MOGAT3: variants seen among roughly 807,000 people sequenced by gnomAD.
MOGAT3 encodes the protein 2-acylglycerol O-acyltransferase 3.
In MOGAT3, 39 loss-of-function variants were observed where a neutral mutation model predicts 34.4. That is an observed-to-expected ratio of 1.13 (90% confidence interval 0.88 to 1.48). The LOEUF (loss-of-function observed/expected upper bound fraction) is 1.48, where lower values mean the gene tolerates loss of function less well. MOGAT3 is among the 40% of genes most tolerant of loss of function. MOGAT3 has a pLI of 0.00. For synonymous variants in MOGAT3, 209 were observed against 179.2 expected (o/e 1.17, Z -1.33); for missense variants, 439 against 438.9 (o/e 1.00, Z 0.00).
chr7:101,194,855 G>A (rs565908915), downstream of MOGAT3, among the ~76,000 whole-genome samples: 4 of 151,996 alleles, frequency 2.6e-5, no homozygotes, highest in Non-Finnish European at 5.9e-5. Context: ...CCATTTCCCC[G>A]TCCTGTTAAG....
chr7:101,198,364 T>A lies in MOGAT3; in HGVS notation c.495A>T (p.Gly165=). 1 of 1,538,948 alleles carries A rather than the reference T, an allele frequency of 6.5e-7. No individual in the cohort carries two copies. The highest frequency in any genetic ancestry group is 8.8e-7 in the Non-Finnish European group (1 of 1,141,592). The change falls in exon 5 of 7, where the codon GGA becomes GGT. Residue 165 remains glycine, a splice_region_variant and synonymous_variant. Transcript: ENST00000223114. ...GGCTCTGGCGGCTCACCGGACAGAGTCCTGTGGGCAGGAGGAGGTGGAAAG... is the reference window on the plus strand; with the variant it reads ...GGCTCTGGCGGCTCACCGGACAGAGACCTGTGGGCAGGAGGAGGTGGAAAG... ...PVYRDYIMSF[G]LCPVSRQSLD... is the part of the protein sequence containing the mutation.
downstream of MOGAT3, among the ~76,000 whole-genome samples, chr7:101,194,767 C>T (rs746684764): frequency 9.2e-5 from 14 of 152,170 alleles, no homozygotes; most frequent in Admixed American, 2.6e-4. Context: ...TCCCAAAGTG[C>T]TGGGATTACA....
At chr7:101,198,585 TC>T (rs1797864243) in intron 4 of MOGAT3, 40 bp downstream of exon 4, 26 of 1,579,216 alleles carry the variant, frequency 1.6e-5, no homozygotes, top group African/African-American at 1.6e-4. Flanking sequence ...GAACATCTGG[TC>T]AGGAGTCTCC....
intron 3 of MOGAT3, 43 bp downstream of exon 3, chr7:101,200,191 G>A: frequency 6.5e-7 from 1 of 1,535,638 alleles, no homozygotes; most frequent in South Asian, 1.1e-5. Context: ...GGAGGGAGAT[G>A]GGGAGAGGTA....
chr7:101,198,782 C>T lies in MOGAT3; in HGVS notation c.337G>A (p.Ala113Thr), dbSNP rs760445652. 2 of 1,613,934 alleles carry T rather than the reference C, an allele frequency of 1.2e-6. No individual in the cohort carries two copies. Among genetic ancestry groups the T allele is most frequent in the East Asian group, 4.5e-5 (2 of 44,860 alleles). Residue 113 changes from alanine (A) to threonine (T), a missense_variant, in exon 4 of 7, where the codon GCC becomes ACC. Transcript: ENST00000223114. ...LPPDRNYVLG[A>T]HPHGIMCTGF... ...GTACACATGATCCCATGAGGGTGGG[C>T]GCCCAGCACGTAGTTCCGATCCGGG...
At chr7:101,196,637 G>A (rs564248573) in intron 5 of MOGAT3, among the ~76,000 whole-genome samples, 26 of 152,292 alleles carry the variant, frequency 1.7e-4, no homozygotes, top group Admixed American at 5.2e-4. Flanking sequence ...GGGAGGCCAC[G>A]GTGGGAGGAT....
At chr7:101,194,172 TTTTTTTTCA>T (rs911611735), downstream of MOGAT3, among the ~76,000 whole-genome samples, 7 of 151,980 alleles carry the variant, frequency 4.6e-5, no homozygotes, top group East Asian at 7.7e-4. Context: ...TTCTAGAATT[TTTTTTTTCA>T]TTTTTTTCAT....
Position 101,200,500 on chromosome 7 carries a change from AG to A in MOGAT3, c.124del (p.Leu42PhefsTer39). 1 of 1,596,294 alleles carries A rather than the reference AG, an allele frequency of 6.3e-7. No homozygotes were observed. The highest frequency in any genetic ancestry group is 8.5e-7 in the Non-Finnish European group (1 of 1,170,870). On this transcript the variant is annotated frameshift_variant, in exon 2 of 7. Coordinates refer to ENST00000223114, the MANE Select transcript of MOGAT3 (RefSeq NM_178176.4). LOFTEE classifies it high-confidence loss of function. ...TFLFMGPFFS[L>X]LVFVLLFTSL... is the part of the protein sequence containing the mutation. ...CGTGAAGAGGAGGACAAAGACAAGAAGGGAGAAGAAAGGGCCTGGGGGAAGG... is the reference window on the plus strand; with the variant it reads ...CGTGAAGAGGAGGACAAAGACAAGAAGGAGAAGAAAGGGCCTGGGGGAAGG...
intron 4 of MOGAT3, 70 bp downstream of exon 4, chr7:101,198,556 T>G (rs915394860): frequency 4.1e-5 from 58 of 1,398,884 alleles, no homozygotes; most frequent in South Asian, 6.4e-5. Flanking sequence ...TGGGGGGGGG[T>G]GGTCCCAGAG....
chr7:101,201,036 T>C lies in MOGAT3; in HGVS notation c.-182A>G. The C allele has an allele frequency of 1.9e-6, 1 of 538,884 alleles. No individual in the cohort carries two copies. The highest frequency in any genetic ancestry group is 3.3e-6 in the Non-Finnish European group (1 of 301,036). 33.4% of individuals were successfully genotyped at this position (538,884 alleles called of 1,614,324 possible). Reference sequence around the variant, plus strand: ...GTGTGTGAGTGGGGAGATCTTTGGATCCAGAGCCCCAGATGTCTCTGGGTT... The same window carrying C: ...GTGTGTGAGTGGGGAGATCTTTGGACCCAGAGCCCCAGATGTCTCTGGGTT... On this transcript the variant is annotated 5_prime_UTR_variant, in exon 1 of 7. Coordinates refer to ENST00000223114, the MANE Select transcript of MOGAT3 (RefSeq NM_178176.4).
rs768535153 is a variant in MOGAT3 at position 101,200,808 on chromosome 7, A to G, written c.47T>C (p.Leu16Ser). Residue 16 changes from leucine to serine, a missense_variant, in exon 1 of 7, where the codon TTG becomes TCG. Coordinates refer to ENST00000223114, the MANE Select transcript of MOGAT3 (RefSeq NM_178176.4). The part of the protein sequence containing the change: ...TLQPPTTSKT[L>S]QKQHLEAVGA... ...CACTGCTTCTAGATGCTGCTTCTGC[A>G]AGGTTTTGGAAGTGGTTGGGGGCTG... is the stretch of plus-strand genomic sequence containing the variant. 9.9e-6 allele frequency: 16 copies of G among 1,614,136 alleles called. No homozygotes were observed. Among genetic ancestry groups the G allele is most frequent in the Non-Finnish European group, 1.4e-5 (16 of 1,180,024 alleles).
In MOGAT3 at chr7:101,198,657, G is replaced by C; in HGVS notation, c.462C>G (p.Leu154=). 1.2e-6 allele frequency: 2 copies of C among 1,613,454 alleles called. No homozygotes were observed. Among genetic ancestry groups the C allele is most frequent in the Non-Finnish European group, 1.7e-6 (2 of 1,180,016 alleles). Residue 154 remains leucine, a synonymous_variant, in exon 4 of 7, where the codon CTC becomes CTG. Transcript: ENST00000223114. The part of the protein sequence containing the change: ...WLAVLAGLFY[L]PVYRDYIMSF... ...ACATGATGTAGTCGCGATAGACCGG[G>C]AGGTAGAAGAGGCCAGCCAGCACGG...
chr7:101,200,976 C>T lies in MOGAT3; in HGVS notation c.-122G>A, dbSNP rs917320015. 6 of 680,274 alleles carry T rather than the reference C, an allele frequency of 8.8e-6. No homozygotes were observed. Among genetic ancestry groups the T allele is most frequent in the African/African-American group, 7.2e-5 (4 of 55,206 alleles). 42.1% of individuals were successfully genotyped at this position (680,274 alleles called of 1,614,324 possible). On this transcript the variant is annotated 5_prime_UTR_variant, in exon 1 of 7. Coordinates refer to ENST00000223114, the MANE Select transcript of MOGAT3 (RefSeq NM_178176.4). ...CCCAGCTTTGGGGGCCTGGCTAAGT[C>T]GCAAATCACCTCCCAGAGTAGCGTG...
intron 1 of MOGAT3, 66 bp from the exon 2 acceptor site, chr7:101,200,581 C>T (rs1797930991): frequency 2.9e-6 from 4 of 1,391,270 alleles, no homozygotes; most frequent in Non-Finnish European, 4.0e-6. Context: ...CAGCTGCTCC[C>T]TTCCCTTCCT....
At position 101,196,083 on chromosome 7, in the gene MOGAT3, C is replaced by T. The variant is rs201890499; in HGVS notation, c.889G>A (p.Val297Ile). 5.2e-5 allele frequency: 84 copies of T among 1,604,900 alleles called. No homozygotes were observed. The highest frequency in any genetic ancestry group is 3.3e-4 in the African/African-American group (25 of 74,716). ...TCGGTGGGGTGGAGGCGCTGGGGGA[C>T]GGGGATGGGGCGGCCCACTGCAGGG... is the stretch of plus-strand genomic sequence containing the variant. ...ITTVVGRPIP[V>I]PQRLHPTEEE... Residue 297 changes from valine to isoleucine, a missense_variant, in exon 7 of 7, where the codon GTC becomes ATC. By Grantham distance (29) the Val-to-Ile change is conservative. Transcript: ENST00000223114.
intron 4 of MOGAT3, 76 bp downstream of exon 4, chr7:101,198,546 TGGGG>T: frequency 8.3e-7 from 1 of 1,204,138 alleles, no homozygotes; most frequent in Non-Finnish European, 1.2e-6. Context: ...GGACTTATTA[TGGGG>T]GGGGGTGGTC....
At chr7:101,196,699 G>A (rs540277315) in intron 5 of MOGAT3, among the ~76,000 whole-genome samples, 26 of 151,836 alleles carry the variant, frequency 1.7e-4, no homozygotes, top group Admixed American at 5.3e-4. Flanking sequence ...TGAAACCCCC[G>A]TCTCTGCAAA....
chr7:101,198,877 C>A lies in MOGAT3; in HGVS notation c.289-47G>T, dbSNP rs200804057. 4.5e-6 allele frequency: 7 copies of A among 1,572,076 alleles called. No individual in the cohort carries two copies. The Admixed American group carries it at 5.0e-5, about 11-fold the overall frequency. ...GAAGGGAGGATGGAAGGCAAGACAC[C>A]GGCTGAAAAGAGGGGCCCTCCACCC... On this transcript the variant is annotated intron_variant, in intron 3 of 6. Transcript: ENST00000223114.
chr7:101,199,290 G>A (rs898182843), intron 3 of MOGAT3, among the ~76,000 whole-genome samples: 2 of 152,148 alleles, frequency 1.3e-5, no homozygotes, highest in African/African-American at 4.8e-5. Flanking sequence ...ACAGGCGTAA[G>A]CCACCTCACC....
Sources: allele counts gnomAD v4.1 joint callset (sites outside exome capture counted in the v4.1 genomes callset), GRCh38; gene constraint gnomAD v4.1.1; transcripts MANE v1.5; gene names NCBI Gene and HGNC (gene_info 2026-07-23, HGNC 2026-07-21).